The following MGA variants were observed in gnomAD, a reference collection of about 807,000 sequenced individuals.
MGA encodes MAX dimerization protein MGA, also known as MAX gene-associated protein.
A neutral mutation model predicts 261.1 loss-of-function variants in MGA; 40 were observed. The observed-to-expected ratio is 0.15, with a 90% CI of 0.12 to 0.20. The LOEUF (loss-of-function observed/expected upper bound fraction) is 0.20, where lower values mean the gene tolerates loss of function less well. Ranked by LOEUF, MGA falls within the 10% of genes least tolerant of loss-of-function variation. MGA has a pLI of 1.00. For synonymous variants in MGA, 1,302 were observed against 1,290.6 expected (o/e 1.01, Z -0.19); for missense variants, 3,397 against 3,630.5 (o/e 0.94, Z 1.65).
At position 41,646,897 on chromosome 15, in the gene MGA, G is replaced by A. The variant is rs1314304862; in HGVS notation, c.-67-21931G>A. Among the ~76,000 whole-genome samples, 4 of 152,126 alleles carry A rather than the reference G, an allele frequency of 2.6e-5. No homozygotes were observed. In the East Asian group the frequency reaches 7.7e-4, roughly 29 times the overall value. The stretch of plus-strand genomic sequence containing the variant: ...GCAATGTAGTTTTTACTGAGTCACA[G>A]TCAGAAAAGTTAGAGAAATATTTAT... On this transcript the variant is annotated intron_variant, in intron 1 of 8. Coordinates refer to the MGA transcript ENST00000566718.
Position 41,749,593 on chromosome 15 carries a change from T to A in MGA, c.5986T>A (p.Ser1996Thr). Residue 1996 changes from serine to threonine, a missense_variant, in exon 17 of 24, where the codon TCA becomes ACA. Around this residue, in one of 9 missense-constraint regions of MGA, gnomAD observed 1,410 missense variants for 1,386.4 expected, o/e 1.02. Coordinates refer to ENST00000219905, the MANE Select transcript of MGA (RefSeq NM_001164273.2). ...GCAAGAAACGAAGAAGGTTCTACAGTCAGAAGGAGAGGCTGTAGACCCTGA... is the reference window on the plus strand; with the variant it reads ...GCAAGAAACGAAGAAGGTTCTACAGACAGAAGGAGAGGCTGTAGACCCTGA... The A allele has an allele frequency of 1.2e-6, 2 of 1,613,766 alleles. No homozygotes were observed. Among genetic ancestry groups the A allele is most frequent in the Non-Finnish European group, 1.7e-6 (2 of 1,179,848 alleles).
Position 41,742,798 on chromosome 15 carries a change from C to T in MGA, c.4838C>T (p.Thr1613Ile), listed in dbSNP as rs371223291. 78 of 1,613,988 alleles carry T rather than the reference C, an allele frequency of 4.8e-5. No homozygotes were observed. In the East Asian group the frequency reaches 1.1e-3, roughly 22 times the overall value. Residue 1613 changes from threonine (T) to isoleucine (I), a missense_variant, in exon 15 of 24, where the codon ACA (threonine) becomes ATA (isoleucine). By Grantham distance (89) the Thr-to-Ile change is moderately conservative. Around this residue, in one of 9 missense-constraint regions of MGA, gnomAD observed 1,410 missense variants for 1,386.4 expected, o/e 1.02. Transcript: ENST00000219905. The stretch of plus-strand genomic sequence containing the variant: ...TTTTTAGAAAATACTACTGCTGTGA[C>T]ACCTATGACTGCTATTTCTGACGTG...
chr15:41,710,503 G>A (rs1025980251), intron 7 of MGA, among the ~76,000 whole-genome samples, 188 bp from the exon 8 acceptor site: 1 of 152,136 alleles, frequency 6.6e-6, no homozygotes, highest in African/African-American at 2.4e-5. Context: ...CTAGCCTGTA[G>A]CGATCGTTTT....
Position 41,742,600 on chromosome 15 carries a change from G to A in MGA, c.4640G>A (p.Gly1547Glu). Residue 1547 changes from glycine (G) to glutamate (E), a missense_variant, in exon 15 of 24, where the codon GGA (glycine) becomes GAA (glutamate). By Grantham distance (98) the Gly-to-Glu change is moderately conservative. Around this residue, in one of 9 missense-constraint regions of MGA, gnomAD observed 1,410 missense variants for 1,386.4 expected, o/e 1.02. Transcript: ENST00000219905. ...ACACAGTTTGTGATGAGTAAAGTTG[G>A]AGCCTTGCAGCAGAAGATACCTGGA... 1 of 1,613,900 alleles carries A rather than the reference G, an allele frequency of 6.2e-7. No individual in the cohort carries two copies. Among genetic ancestry groups the A allele is most frequent in the Non-Finnish European group, 8.5e-7 (1 of 1,179,864 alleles).
At chr15:41,673,633 C>T (rs1193680914) in intron 2 of MGA, among the ~76,000 whole-genome samples, 3 of 143,968 alleles carry the variant, frequency 2.1e-5, no homozygotes, top group Non-Finnish European at 3.0e-5. Flanking sequence ...ACCTCTGCTT[C>T]CTGGGTTCAA....
At chr15:41,762,728 C>G (rs1026175835) in intron 22 of MGA, among the ~76,000 whole-genome samples, 2 of 152,008 alleles carry the variant, frequency 1.3e-5, no homozygotes, top group African/African-American at 2.4e-5. Flanking sequence ...CTTGGCCTCC[C>G]AAAGTGCTGG....
At chr15:41,698,029 C>T (rs572671267) in intron 3 of MGA, among the ~76,000 whole-genome samples, 69 of 151,460 alleles carry the variant, frequency 4.6e-4, no homozygotes, top group African/African-American at 1.4e-3. Flanking sequence ...CCACCATGCC[C>T]GGCTAATTTT....
intron 20 of MGA, 62 bp from the exon 21 acceptor site, chr15:41,761,677 C>A: frequency 2.0e-6 from 2 of 1,010,730 alleles, no homozygotes; most frequent in Non-Finnish European, 3.0e-6. Context: ...ATTGTATAGG[C>A]CTTAGCTGTG....
chr15:41,654,764 T>A (rs1858846805), intron 1 of MGA, among the ~76,000 whole-genome samples: 1 of 152,094 alleles, frequency 6.6e-6, no homozygotes, highest in Non-Finnish European at 1.5e-5. Flanking sequence ...TCCTTCCACC[T>A]CCTCCTCCCA....
At position 41,748,732 on chromosome 15, in the gene MGA, G is replaced by A. The variant is rs2062656102; in HGVS notation, c.5308G>A (p.Gly1770Ser). ...ATTGTTGTTGATTCCAGTGCAGCAG[G>A]GTTCTCCTACTCTTAGACCTGTCTC... The change falls in exon 16 of 24, where the codon GGT becomes AGT. Residue 1770 changes from glycine (G) to serine (S), a missense_variant. Gly to Ser is a moderately conservative substitution (Grantham distance 56). Around this residue, in one of 9 missense-constraint regions of MGA, gnomAD observed 1,410 missense variants for 1,386.4 expected, o/e 1.02. Coordinates refer to ENST00000219905, the MANE Select transcript of MGA (RefSeq NM_001164273.2). 1 of 1,613,962 alleles carries A rather than the reference G, an allele frequency of 6.2e-7. No individual in the cohort carries two copies. The highest frequency in any genetic ancestry group is 1.3e-5 in the African/African-American group (1 of 75,032).
chr15:41,627,377 A>G (rs1260518999), intron 1 of MGA, among the ~76,000 whole-genome samples: 4 of 152,004 alleles, frequency 2.6e-5, no homozygotes, highest in Non-Finnish European at 5.9e-5. Context: ...AGTTTCTCAC[A>G]CTTTCCTTAT....
intron 1 of MGA, among the ~76,000 whole-genome samples, chr15:41,645,381 G>C (rs779620631): frequency 2.0e-5 from 3 of 152,236 alleles, no homozygotes; most frequent in Non-Finnish European, 4.4e-5. Context: ...CTTGGGCGGA[G>C]CTCCAGACCA....
At chr15:41,643,777 T>C (rs1344853396) in intron 1 of MGA, among the ~76,000 whole-genome samples, 18 of 151,340 alleles carry the variant, frequency 1.2e-4, no homozygotes, top group Admixed American at 1.1e-3. Flanking sequence ...TTTTTTTTTT[T>C]TTCCCTGAGA....
chr15:41,749,524 C>G lies in MGA; in HGVS notation c.5917C>G (p.Gln1973Glu), dbSNP rs1423315197. 1.2e-6 allele frequency: 2 copies of G among 1,613,880 alleles called. No homozygotes were observed. The highest frequency in any genetic ancestry group is 1.3e-5 in the African/African-American group (1 of 75,014). Residue 1973 changes from glutamine (Q) to glutamate (E), a missense_variant, in exon 17 of 24, where the codon CAG (glutamine) becomes GAG (glutamate). Coordinates refer to ENST00000219905, the MANE Select transcript of MGA (RefSeq NM_001164273.2). ...TTCCCTTCAGATGAAGAGAGAATCTCAGAATCCAGACCAGAAAGATGAAAC... is the reference window on the plus strand; with the variant it reads ...TTCCCTTCAGATGAAGAGAGAATCTGAGAATCCAGACCAGAAAGATGAAAC...
At chr15:41,734,069 G>A (rs2061650020) in intron 11 of MGA, among the ~76,000 whole-genome samples, 1 of 151,764 alleles carries the variant, frequency 6.6e-6, no homozygotes, top group African/African-American at 2.4e-5. Flanking sequence ...CACCATTTGT[G>A]GCTAAGCTTT....
chr15:41,679,724 G>T (rs1373724105), intron 2 of MGA, among the ~76,000 whole-genome samples: 1 of 152,010 alleles, frequency 6.6e-6, no homozygotes, highest in Non-Finnish European at 1.5e-5. Context: ...GTGTTGTGTT[G>T]TGGGGGGGAC....
Position 41,766,012 on chromosome 15 carries a change from G to T in MGA, c.7930G>T (p.Asp2644Tyr). The T allele has an allele frequency of 6.3e-7, 1 of 1,592,944 alleles. No individual in the cohort carries two copies. Among genetic ancestry groups the T allele is most frequent in the East Asian group, 2.2e-5 (1 of 44,602 alleles). The change falls in exon 24 of 24, where the codon GAC becomes TAC. Residue 2644 changes from aspartate to tyrosine, a missense_variant. Transcript: ENST00000219905. The stretch of plus-strand genomic sequence containing the variant: ...TAATTTTTGTTTTTCAGAAAATGAC[G>T]ACTTATTTATGATGCCACGAATTGT...
Position 41,698,900 on chromosome 15 carries a change from A to AAGAAT in MGA, c.2052_2056dup (p.Ser686Ter). 6.5e-7 allele frequency: 1 copy of AAGAAT among 1,550,296 alleles called. No homozygotes were observed. The highest frequency in any genetic ancestry group is 8.7e-7 in the Non-Finnish European group (1 of 1,146,844). Reference sequence around the variant, plus strand: ...ATTCATGCAGTTGATGGGACAACAGAAGAATCTTCTAGTCTCCAGGCATCA... The same window carrying AAGAAT: ...ATTCATGCAGTTGATGGGACAACAGAAGAATAGAATCTTCTAGTCTCCAGGCATCA... On this transcript the variant is annotated frameshift_variant, in exon 4 of 24. Coordinates refer to ENST00000219905, the MANE Select transcript of MGA (RefSeq NM_001164273.2). LOFTEE classifies it high-confidence loss of function.
chr15:41,675,439 T>C (rs1050176429), intron 2 of MGA, among the ~76,000 whole-genome samples: 1 of 152,088 alleles, frequency 6.6e-6, no homozygotes, highest in Non-Finnish European at 1.5e-5. Context: ...AGTGGCAGGT[T>C]CATGGCTTGA....
Sources: gnomAD v4.1 joint callset for allele counts (sites outside exome capture counted in the v4.1 genomes callset) on GRCh38, gnomAD v4.1.1 for gene constraint, gnomAD v4.1.1 regional missense constraint, MANE v1.5 for transcripts, NCBI Gene and HGNC (gene_info 2026-07-23, HGNC 2026-07-21) for gene names.